Variants in SMARCA4 observed in about 807,000 individuals in gnomAD.
SMARCA4 encodes SWI/SNF related BAF chromatin remodeling complex subunit ATPase 4, also known as SWI/SNF-related matrix-associated actin-dependent regulator of chromatin subfamily A member 4.
SMARCA4 carries 31 observed loss-of-function variants against 193.9 expected under a neutral mutation model. The observed-to-expected ratio is 0.16, with a 90% CI of 0.12 to 0.22. The LOEUF is 0.22. Ranked by LOEUF, SMARCA4 falls within the 10% of genes least tolerant of loss-of-function variation. SMARCA4 has a pLI of 1.00. For missense variants in SMARCA4, 1,148 were observed against 2,296.0 expected, an observed-to-expected ratio of 0.50 and a Z score of 10.22; for synonymous variants, 942 against 933.1, an observed-to-expected ratio of 1.01 and a Z score of -0.17.
At chr19:11,055,763 T>C (rs59175876) in intron 30 of SMARCA4, among the ~76,000 whole-genome samples, 14,346 of 149,170 alleles carry the variant, frequency 0.096, 1,240 homozygotes, top group African/African-American at 0.24. Context: ...GGCTTTTTTT[T>C]CCCCCAGTCA....
At chr19:10,990,319 A>AT (rs1235746818) in intron 7 of SMARCA4, among the ~76,000 whole-genome samples, 8 of 151,296 alleles carry the variant, frequency 5.3e-5, no homozygotes, top group East Asian at 2.0e-4. Context: ...TGCCGGGCTG[A>AT]TTTTTTTGAA....
intron 11 of SMARCA4, among the ~76,000 whole-genome samples, chr19:11,001,780 T>C (rs1408941405): frequency 6.6e-6 from 1 of 152,210 alleles, no homozygotes; most frequent in Non-Finnish European, 1.5e-5. Flanking sequence ...TCCTGGAAGA[T>C]GAAAACCAAA....
At position 11,007,882 on chromosome 19, in the gene SMARCA4, A is replaced by C. The variant is rs369922926; in HGVS notation, c.2002-20A>C. 1.3e-4 allele frequency: 204 copies of C among 1,612,994 alleles called. No individual in the cohort carries two copies. The highest frequency in any genetic ancestry group is 1.7e-4 in the Middle Eastern group (1 of 6,060). ...TCTCTGGGGGATGAACTGAGGTGAC[A>C]TGGGCTTGTCTCTTGGTAGGAGGAG... On this transcript the variant is annotated intron_variant, in intron 13 of 34. Transcript: ENST00000344626.
chr19:11,033,083 A>C lies in SMARCA4; in HGVS notation c.3547-207A>C. Reference sequence around the variant, plus strand: ...GGTAGAAGGTGGCACTTCTGGAGGAACGTGATGAGAGTCCCCTTCCCCCGA... The same window carrying C: ...GGTAGAAGGTGGCACTTCTGGAGGACCGTGATGAGAGTCCCCTTCCCCCGA... On this transcript the variant is annotated intron_variant, in intron 25 of 34. Transcript: ENST00000344626. The surrounding 1 kb of genome is among the most constrained non-coding windows in gnomAD (Gnocchi z 9.8). The C allele has an allele frequency of 1.6e-6, 1 of 642,028 alleles. No individual in the cohort carries two copies. The highest frequency in any genetic ancestry group is 2.8e-6 in the Non-Finnish European group (1 of 352,126). The allele number at this position is 642,028 out of a possible 1,614,324, so 39.8% of individuals were successfully genotyped here. A position where few individuals can be genotyped will look rare whatever the true frequency, so the allele number is the denominator to read the frequency against.
intron 1 of SMARCA4, among the ~76,000 whole-genome samples, chr19:10,974,060 A>G (rs2084903324): frequency 6.6e-6 from 1 of 152,150 alleles, no homozygotes; most frequent in Non-Finnish European, 1.5e-5. Context: ...GCCCCAAAAA[A>G]CACAATAGCA....
chr19:11,056,492 C>G (rs188284888), intron 30 of SMARCA4: 3 of 152,408 alleles, frequency 2.0e-5, no homozygotes, highest in African/African-American at 7.2e-5. Flanking sequence ...AAGGACACTC[C>G]TGGAAGGCAG....
Position 11,034,779 on chromosome 19 carries a change from C to G in SMARCA4, c.3952-135C>G, listed in dbSNP as rs2075162240. 1.4e-6 allele frequency: 1 copy of G among 709,816 alleles called. No homozygotes were observed. The highest frequency in any genetic ancestry group is 2.0e-5 in the Admixed American group (1 of 48,960). 44.0% of individuals were successfully genotyped at this position (709,816 alleles called of 1,614,324 possible). ...AGGTCAGCCACTGAAAAATCGAGAGCTACTGTTTAACTCTCGCAGCAGCGT... is the reference window on the plus strand; with the variant it reads ...AGGTCAGCCACTGAAAAATCGAGAGGTACTGTTTAACTCTCGCAGCAGCGT... On this transcript the variant is annotated intron_variant, in intron 28 of 34. Transcript: ENST00000344626. The surrounding 1 kb of genome is among the most constrained non-coding windows in gnomAD (Gnocchi z 7.0).
intron 29 of SMARCA4, among the ~76,000 whole-genome samples, chr19:11,037,676 T>G (rs1361823522): frequency 6.6e-6 from 1 of 152,088 alleles, no homozygotes; most frequent in Non-Finnish European, 1.5e-5. Flanking sequence ...TGTGCCTTGG[T>G]GTTGTATCTG....
intron 1 of SMARCA4, chr19:10,983,540 T>C (rs1330903859): frequency 6.4e-6 from 1 of 155,396 alleles, no homozygotes; most frequent in Non-Finnish European, 1.4e-5. Flanking sequence ...GTTCAAGCGA[T>C]TCTCCTGCCT....
Position 11,058,887 on chromosome 19 carries a change from C to T in SMARCA4, c.4633C>T (p.Leu1545=), listed in dbSNP as rs1555795434. 2 of 1,613,302 alleles carry T rather than the reference C, an allele frequency of 1.2e-6. No homozygotes were observed. The highest frequency in any genetic ancestry group is 1.7e-6 in the Non-Finnish European group (2 of 1,179,392). Reference sequence around the variant, plus strand: ...ACAGACCTTCAACCTGGAGGGCTCCCTGGTGAGGGCACCGCTGGGGGTTGG... The same window carrying T: ...ACAGACCTTCAACCTGGAGGGCTCCTTGGTGAGGGCACCGCTGGGGGTTGG... The part of the protein sequence containing the change: ...NAQTFNLEGS[L]IYEDSIVLQS... The change falls in exon 32 of 35, where the codon CTG becomes TTG. Residue 1545 remains leucine (L), a splice_region_variant and synonymous_variant. Transcript: ENST00000344626. This position sits in a 1 kb window ranked among gnomAD's most constrained non-coding sequence, Gnocchi z 5.8.
rs570644660 is a variant in SMARCA4, at chr19:10,985,072, G to A, written c.223-201G>A. Among the ~76,000 whole-genome samples, 87 of 152,192 alleles carry A rather than the reference G, an allele frequency of 5.7e-4. No individual in the cohort carries two copies. The highest frequency in any genetic ancestry group is 1.9e-3 in the African/African-American group (78 of 41,522). ...CCCATATGCTCGTGCTCCACTGGGC[G>A]ACATTTATTTTGTGTACCTGTCTCG... On this transcript the variant is annotated intron_variant, in intron 2 of 34. Coordinates refer to ENST00000344626, the MANE Select transcript of SMARCA4 (RefSeq NM_003072.5). The surrounding 1 kb of genome is among the most constrained non-coding windows in gnomAD (Gnocchi z 4.5).
At chr19:10,988,879 A>C (rs2086299055) in intron 6 of SMARCA4, among the ~76,000 whole-genome samples, 1 of 152,200 alleles carries the variant, frequency 6.6e-6, no homozygotes, top group Non-Finnish European at 1.5e-5. Context: ...ATTAGCCCAC[A>C]TAACCTTCGC....
intron 16 of SMARCA4, among the ~76,000 whole-genome samples, 153 bp downstream of exon 16, chr19:11,013,265 A>C (rs141301826): frequency 6.1e-4 from 93 of 152,304 alleles, no homozygotes; most frequent in African/African-American, 2.2e-3. Context: ...AAGGTGTAGC[A>C]GGTTGCTTCC....
At chr19:11,037,682 A>G (rs935421718) in intron 29 of SMARCA4, among the ~76,000 whole-genome samples, 9 of 150,734 alleles carry the variant, frequency 6.0e-5, no homozygotes, top group African/African-American at 1.9e-4. Flanking sequence ...TTGGTGTTGT[A>G]TCTGAGAAAC....
Position 11,034,275 on chromosome 19 carries a change from G to C in SMARCA4, c.3951+75G>C. 3 of 1,153,728 alleles carry C rather than the reference G, an allele frequency of 2.6e-6. No individual in the cohort carries two copies. The South Asian group carries it at 3.7e-5, about 14-fold the overall frequency. 71.5% of individuals were successfully genotyped at this position (1,153,728 alleles called of 1,614,324 possible). On this transcript the variant is annotated intron_variant, in intron 28 of 34. Coordinates refer to ENST00000344626, the MANE Select transcript of SMARCA4 (RefSeq NM_003072.5). The surrounding 1 kb of genome is among the most constrained non-coding windows in gnomAD (Gnocchi z 7.0). ...CACCAGGAGCAAAGCAGACGTCCTA[G>C]TGCCCATGGTGGTATCCCTAGCAGG...
chr19:11,034,899 C>T lies in SMARCA4; in HGVS notation c.3952-15C>T. 6.5e-7 allele frequency: 1 copy of T among 1,542,162 alleles called. No homozygotes were observed. The highest frequency in any genetic ancestry group is 8.8e-7 in the Non-Finnish European group (1 of 1,140,266). On this transcript the variant is annotated splice_polypyrimidine_tract_variant and intron_variant, in intron 28 of 34. Transcript: ENST00000344626. This position sits in a 1 kb window ranked among gnomAD's most constrained non-coding sequence, Gnocchi z 7.0. ...TGCATGCTGATGCCTCTCCCGTTGCCTCCCTGCCCACCAGCGCATGGACCT... is the reference window on the plus strand; with the variant it reads ...TGCATGCTGATGCCTCTCCCGTTGCTTCCCTGCCCACCAGCGCATGGACCT...
rs773055372 is a variant in SMARCA4, at chr19:11,059,874, C to G, written c.4757C>G (p.Ser1586Cys). ...GAGGAAGAGGGCGAGGAGGAAGGCT[C>G]CGAATCCGAATGTGAGTCCCGGGGG... ...EEEEEGEEEG[S>C]ESESRSVKVK... The change falls in exon 33 of 35, where the codon TCC (serine) becomes TGC (cysteine). Residue 1586 changes from serine to cysteine, a missense_variant. Coordinates refer to ENST00000344626, the MANE Select transcript of SMARCA4 (RefSeq NM_003072.5). The G allele has an allele frequency of 1.9e-6, 3 of 1,613,912 alleles. No homozygotes were observed. Among genetic ancestry groups the G allele is most frequent in the Non-Finnish European group, 2.5e-6 (3 of 1,180,008 alleles).
chr19:10,974,353 A>G (rs1333738318), intron 1 of SMARCA4, among the ~76,000 whole-genome samples: 1 of 151,900 alleles, frequency 6.6e-6, no homozygotes, highest in Non-Finnish European at 1.5e-5. Context: ...TAATGAGAAC[A>G]TGGTAGTTCT....
chr19:11,046,494 T>C (rs970892316), intron 30 of SMARCA4, among the ~76,000 whole-genome samples: 8 of 152,186 alleles, frequency 5.3e-5, no homozygotes, highest in Non-Finnish European at 1.2e-4. Context: ...CCCATTGGAC[T>C]GGGAGTAACT....
Sources: gnomAD v4.1 joint callset for allele counts (sites outside exome capture counted in the v4.1 genomes callset) on GRCh38, gnomAD v4.1.1 for gene constraint, Gnocchi (gnomAD v3.1) non-coding constraint, MANE v1.5 for transcripts, NCBI Gene and HGNC (gene_info 2026-07-23, HGNC 2026-07-21) for gene names.